Variants in HSD17B4 observed in about 807,000 individuals in gnomAD.
The protein encoded by HSD17B4 is hydroxysteroid 17-beta dehydrogenase 4.
A neutral mutation model predicts 101.0 loss-of-function variants in HSD17B4; 70 were observed. The observed-to-expected ratio is 0.69, with a 90% CI of 0.57 to 0.85. The LOEUF (loss-of-function observed/expected upper bound fraction) is 0.85, where lower values mean the gene tolerates loss of function less well. Ranked by LOEUF, HSD17B4 falls within the 40% of genes least tolerant of loss-of-function variation. The pLI is 0.00. For synonymous variants in HSD17B4, 347 were observed against 297.1 expected (o/e 1.17, Z -1.73); for missense variants, 984 against 892.4 (o/e 1.10, Z -1.31).
intron 8 of HSD17B4, chr5:119,487,507 A>G (rs1158397850): frequency 6.6e-6 from 1 of 151,954 alleles, no homozygotes; most frequent in African/African-American, 2.4e-5. Flanking sequence ...TTTATTTATA[A>G]CATTGAGTTT....
At position 119,529,507 on chromosome 5, in the gene HSD17B4, C is replaced by T. The variant is rs182059730; in HGVS notation, c.1768-387C>T. Reference sequence around the variant, plus strand: ...CCTTTTACTATTTATAAGGATTCAGCATGGACTGAATTCTGTTTATAAGAG... The same window carrying T: ...CCTTTTACTATTTATAAGGATTCAGTATGGACTGAATTCTGTTTATAAGAG... On this transcript the variant is annotated intron_variant, in intron 20 of 23. Coordinates refer to ENST00000510025, the MANE Select transcript of HSD17B4 (RefSeq NM_000414.4). 5.3e-3 allele frequency among the ~76,000 whole-genome samples: 814 copies of T among 152,246 alleles called. 2 individuals carry two copies. The highest frequency in any genetic ancestry group is 6.6e-3 in the Non-Finnish European group (446 of 68,008).
intron 16 of HSD17B4, among the ~76,000 whole-genome samples, chr5:119,512,921 C>G (rs1410335586): frequency 6.6e-6 from 1 of 152,152 alleles, no homozygotes; most frequent in African/African-American, 2.4e-5. Context: ...GGTTGGACAA[C>G]TCTATGAATA....
In HSD17B4 at chr5:119,492,125, G is replaced by GT. The variant is rs1554064396; in HGVS notation, c.739+2dup. On this transcript the variant is annotated splice_donor_variant, in intron 10 of 23. Coordinates refer to ENST00000510025, the MANE Select transcript of HSD17B4 (RefSeq NM_000414.4). LOFTEE classifies it high-confidence loss of function. Reference sequence around the variant, plus strand: ...GTTGGAGCAGGATGGATTGGAAAATGTAAGTCTCTCTCAGTTTTTGGTTTG... The same window carrying GT: ...GTTGGAGCAGGATGGATTGGAAAATGTTAAGTCTCTCTCAGTTTTTGGTTTG... The GT allele has an allele frequency of 1.2e-6, 2 of 1,605,926 alleles. No homozygotes were observed. Among genetic ancestry groups the GT allele is most frequent in the Non-Finnish European group, 8.5e-7 (1 of 1,172,892 alleles).
chr5:119,524,173 T>C (rs1029137613), intron 17 of HSD17B4, among the ~76,000 whole-genome samples: 30 of 152,080 alleles, frequency 2.0e-4, no homozygotes, highest in African/African-American at 7.2e-4. Context: ...AAGGAAAGAA[T>C]ATTGAGTCAT....
At chr5:119,520,436 T>C (rs963325761) in intron 17 of HSD17B4, among the ~76,000 whole-genome samples, 2 of 152,220 alleles carry the variant, frequency 1.3e-5, no homozygotes, top group African/African-American at 4.8e-5. Flanking sequence ...GAGTTATTTT[T>C]CTGTGTAACT....
At chr5:119,479,109 C>G in intron 8 of HSD17B4, 88 bp downstream of exon 8, 1 of 964,968 alleles carries the variant, frequency 1.0e-6, no homozygotes, top group Non-Finnish European at 1.6e-6. Context: ...TTTCTGAATA[C>G]TTAAAAATTA....
chr5:119,499,496 A>T lies in HSD17B4; in HGVS notation c.1152A>T (p.Lys384Asn). 6.2e-7 allele frequency: 1 copy of T among 1,613,936 alleles called. No individual in the cohort carries two copies. The highest frequency in any genetic ancestry group is 8.5e-7 in the Non-Finnish European group (1 of 1,179,862). The change falls in exon 13 of 24, where the codon AAA (lysine) becomes AAT (asparagine). Residue 384 changes from lysine (K) to asparagine (N), a missense_variant. By Grantham distance (94) the Lys-to-Asn change is moderately conservative. Transcript: ENST00000510025. ...CCTTCGGAGTTATCATAGGTCAGAA[A>T]TCTATGATGGGTGGAGGATTAGCAG... ...LPTFGVIIGQ[K>N]SMMGGGLAEI...
intron 16 of HSD17B4, among the ~76,000 whole-genome samples, chr5:119,510,546 G>A (rs796543741): frequency 1.4e-4 from 21 of 152,286 alleles, no homozygotes; most frequent in African/African-American, 2.2e-4. Context: ...GAATGGTGAC[G>A]TAAGAAGCTC....
intron 2 of HSD17B4, among the ~76,000 whole-genome samples, chr5:119,466,664 T>G (rs1755840418): frequency 6.6e-6 from 1 of 152,144 alleles, no homozygotes; most frequent in South Asian, 2.1e-4. Context: ...TTTCTGATTT[T>G]ATTTGTGTTT....
chr5:119,477,376 G>C, intron 6 of HSD17B4, 41 bp from the exon 7 acceptor site: 2 of 1,393,706 alleles, frequency 1.4e-6, no homozygotes, highest in Non-Finnish European at 1.0e-6. Context: ...ACATGCCTAA[G>C]TTTTTACAAA....
chr5:119,506,190 C>T lies in HSD17B4; in HGVS notation c.1262-628C>T, dbSNP rs192638667. 7.7e-3 allele frequency among the ~76,000 whole-genome samples: 1,165 copies of T among 152,154 alleles called. 5 individuals are homozygous for T. Among genetic ancestry groups the T allele is most frequent in the Non-Finnish European group, 0.01 (697 of 68,010 alleles). Reference sequence around the variant, plus strand: ...TTGTCCTGCACACCTTGACAGGCCCCGGTGTGTGATGTTCCCCTCCCTGTG... The same window carrying T: ...TTGTCCTGCACACCTTGACAGGCCCTGGTGTGTGATGTTCCCCTCCCTGTG... On this transcript the variant is annotated intron_variant, in intron 14 of 23. Transcript: ENST00000510025.
chr5:119,498,695 G>A (rs2126778122), intron 12 of HSD17B4, among the ~76,000 whole-genome samples: 1 of 152,228 alleles, frequency 6.6e-6, no homozygotes, highest in African/African-American at 2.4e-5. Context: ...GGCCAACATG[G>A]TGAAACCCTG....
chr5:119,522,263 A>G (rs1753185171), intron 17 of HSD17B4, among the ~76,000 whole-genome samples: 1 of 152,130 alleles, frequency 6.6e-6, no homozygotes, highest in African/African-American at 2.4e-5. Flanking sequence ...AAAGACATGA[A>G]CTCATCCTTT....
chr5:119,513,231 A>C (rs1309694775), intron 16 of HSD17B4, among the ~76,000 whole-genome samples: 1 of 152,222 alleles, frequency 6.6e-6, no homozygotes, highest in East Asian at 1.9e-4. Flanking sequence ...TCTGAATGAA[A>C]AGCTTGGAAA....
intron 1 of HSD17B4, 44 bp downstream of exon 1, chr5:119,452,677 A>T (rs1195729092): frequency 1.2e-6 from 2 of 1,612,482 alleles, no homozygotes; most frequent in African/African-American, 1.3e-5. Flanking sequence ...GCTGAGGCGC[A>T]GCTGGCTGCT....
chr5:119,460,442 C>G (rs537264517), intron 2 of HSD17B4, among the ~76,000 whole-genome samples: 1 of 152,174 alleles, frequency 6.6e-6, no homozygotes, highest in Non-Finnish European at 1.5e-5. Flanking sequence ...CCTTGGATAC[C>G]TCCATGACTA....
intron 8 of HSD17B4, among the ~76,000 whole-genome samples, chr5:119,480,756 A>AT (rs1204181783): frequency 6.6e-6 from 1 of 152,014 alleles, no homozygotes; most frequent in East Asian, 1.9e-4. Context: ...ACTGGAGTTT[A>AT]TTTCACCCCT....
In HSD17B4 at chr5:119,497,253, G is replaced by T. The variant is rs1750732495; in HGVS notation, c.972+607G>T. ...GGTTAGCTGCCTGAGTGGTGCTTTA[G>T]CCAACCTCATTTTTACCCCCTGCAA... On this transcript the variant is annotated intron_variant, in intron 12 of 23. Transcript: ENST00000510025. Among the ~76,000 whole-genome samples the T allele has an allele frequency of 2.0e-5, 3 of 152,126 alleles. No individual in the cohort carries two copies. In the South Asian group the frequency reaches 6.2e-4, roughly 32 times the overall value.
At chr5:119,510,947 C>G (rs1043739069) in intron 16 of HSD17B4, among the ~76,000 whole-genome samples, 17 of 152,158 alleles carry the variant, frequency 1.1e-4, no homozygotes, top group Non-Finnish European at 1.9e-4. Flanking sequence ...CATCCAGCCC[C>G]CACTTACAGA....
Sources: allele counts gnomAD v4.1 joint callset (sites outside exome capture counted in the v4.1 genomes callset), GRCh38; gene constraint gnomAD v4.1.1; transcripts MANE v1.5; gene names NCBI Gene and HGNC (gene_info 2026-07-23, HGNC 2026-07-21).